AOAH: variants seen among roughly 807,000 people sequenced by gnomAD.
The protein encoded by AOAH is acyloxyacyl hydrolase (neutrophil).
AOAH carries 64 observed loss-of-function variants against 92.2 expected under a neutral mutation model. The ratio of observed to expected loss-of-function variants is 0.69; its 90% CI spans 0.57 to 0.86. The LOEUF is 0.86. AOAH is among the 40% of genes least tolerant of loss of function. The pLI, the probability that AOAH is intolerant of heterozygous loss-of-function variation, is 0.00. For synonymous variants in AOAH, 263 were observed against 254.5 expected, an observed-to-expected ratio of 1.03 and a Z score of -0.32; for missense variants, 656 against 694.6, an observed-to-expected ratio of 0.94 and a Z score of 0.62.
intron 13 of AOAH, among the ~76,000 whole-genome samples, chr7:36,570,813 T>C (rs1788088781): frequency 6.6e-6 from 1 of 152,242 alleles, no homozygotes; most frequent in Non-Finnish European, 1.5e-5. Flanking sequence ...TTCAGTTGGA[T>C]TACAATTTGT....
intron 19 of AOAH, among the ~76,000 whole-genome samples, chr7:36,529,340 C>T (rs1221701167): frequency 1.3e-5 from 2 of 152,092 alleles, no homozygotes; most frequent in African/African-American, 2.4e-5. Context: ...CATTTGTTTA[C>T]ACCAGGAATT....
chr7:36,636,155 G>A lies in AOAH; in HGVS notation c.450+1696C>T, dbSNP rs565455014. 7.2e-5 allele frequency among the ~76,000 whole-genome samples: 11 copies of A among 152,286 alleles called. No homozygotes were observed. The East Asian group carries it at 7.7e-4, about 11-fold the overall frequency. The stretch of plus-strand genomic sequence containing the variant: ...ACAGTGGAATTATTAATTACTCTCC[G>A]AGCAGTTTTTTCAGACACACTTATT... On this transcript the variant is annotated intron_variant, in intron 5 of 20. Transcript: ENST00000617537.
At chr7:36,697,187 T>A (rs1797775157) in intron 1 of AOAH, among the ~76,000 whole-genome samples, 1 of 152,200 alleles carries the variant, frequency 6.6e-6, no homozygotes, top group Non-Finnish European at 1.5e-5. Context: ...TTTTCATAGA[T>A]GTCCTTTATC....
At chr7:36,632,548 G>T (rs1200572811) in intron 5 of AOAH, among the ~76,000 whole-genome samples, 1 of 152,200 alleles carries the variant, frequency 6.6e-6, no homozygotes, top group Non-Finnish European at 1.5e-5. Context: ...AGAGGAGAGA[G>T]GTGCACAGAC....
chr7:36,557,189 A>C (rs1216129547), intron 13 of AOAH, among the ~76,000 whole-genome samples: 1 of 152,158 alleles, frequency 6.6e-6, no homozygotes, highest in East Asian at 1.9e-4. Context: ...GGTGGTGACA[A>C]AATCTCTCAG....
intron 1 of AOAH, among the ~76,000 whole-genome samples, chr7:36,693,382 C>T (rs1797526499): frequency 6.6e-6 from 1 of 152,268 alleles, no homozygotes; most frequent in Admixed American, 6.5e-5. Flanking sequence ...TACCTAGTCT[C>T]ATCCACTTAA....
At chr7:36,578,263 C>T (rs943700217) in intron 12 of AOAH, among the ~76,000 whole-genome samples, 3 of 152,138 alleles carry the variant, frequency 2.0e-5, no homozygotes, top group Admixed American at 1.3e-4. Flanking sequence ...AATTAAAATA[C>T]ATGATCCCTG....
intron 1 of AOAH, among the ~76,000 whole-genome samples, chr7:36,720,018 A>G (rs1048182825): frequency 2.6e-5 from 4 of 152,128 alleles, no homozygotes; most frequent in African/African-American, 4.8e-5. Flanking sequence ...TTTTGCTCAG[A>G]AAAGTTTCTG....
chr7:36,636,815 G>A (rs547347975), intron 5 of AOAH, among the ~76,000 whole-genome samples: 5 of 151,972 alleles, frequency 3.3e-5, no homozygotes, highest in East Asian at 1.9e-4. Flanking sequence ...AATTTAACTG[G>A]GCATCCCATA....
chr7:36,602,438 CCATT>C (rs1290389263), intron 11 of AOAH, among the ~76,000 whole-genome samples: 1 of 150,784 alleles, frequency 6.6e-6, no homozygotes, highest in Admixed American at 6.6e-5. Flanking sequence ...TCCCTTCCTT[CCATT>C]GTTTTTTTTT....
chr7:36,698,947 T>C (rs1797876045), intron 1 of AOAH, among the ~76,000 whole-genome samples: 1 of 152,224 alleles, frequency 6.6e-6, no homozygotes, highest in East Asian at 1.9e-4. Flanking sequence ...AATCAACCTC[T>C]CCTCATTCTC....
intron 16 of AOAH, among the ~76,000 whole-genome samples, chr7:36,539,517 G>A (rs1040713207): frequency 6.6e-6 from 1 of 152,198 alleles, no homozygotes; most frequent in African/African-American, 2.4e-5. Context: ...TCTGTGGGCA[G>A]GAACTTAGGA....
chr7:36,710,911 A>T (rs909357155), intron 1 of AOAH, among the ~76,000 whole-genome samples: 4 of 152,004 alleles, frequency 2.6e-5, no homozygotes, highest in Admixed American at 6.6e-5. Flanking sequence ...GTTCTAAGTG[A>T]CAGGCTGTTC....
intron 1 of AOAH, among the ~76,000 whole-genome samples, chr7:36,717,411 T>C (rs1261590306): frequency 6.6e-6 from 1 of 151,530 alleles, no homozygotes; most frequent in Non-Finnish European, 1.5e-5. Flanking sequence ...ACTAAAGACT[T>C]AGCCCAAATT....
chr7:36,528,394 A>G (rs1380472685), intron 19 of AOAH, among the ~76,000 whole-genome samples: 2 of 152,186 alleles, frequency 1.3e-5, no homozygotes, highest in Non-Finnish European at 2.9e-5. Flanking sequence ...GCTTCCAAGC[A>G]TATCAGTTCA....
At chr7:36,631,336 A>G (rs1177838352) in intron 6 of AOAH, among the ~76,000 whole-genome samples, 2 of 146,288 alleles carry the variant, frequency 1.4e-5, no homozygotes, top group Non-Finnish European at 3.0e-5. Flanking sequence ...AACAAGAGCG[A>G]CACTCCATCA....
At chr7:36,627,546 A>AAAAAT (rs1792760051) in intron 6 of AOAH, among the ~76,000 whole-genome samples, 1 of 94,482 alleles carries the variant, frequency 1.1e-5, no homozygotes, top group Non-Finnish European at 2.1e-5. Context: ...GAAAGCACTC[A>AAAAAT]AAAAAAAAAC....
rs537695639 is a variant in AOAH at position 36,685,926 on chromosome 7, C to A, written c.223+773G>T. ...AAAGACTTTGATGCTATTGGCACAG[C>A]ATACTGTGTCAATCAAAGATACAAT... On this transcript the variant is annotated intron_variant, in intron 2 of 20. Transcript: ENST00000617537. 5.7e-4 allele frequency among the ~76,000 whole-genome samples: 86 copies of A among 152,174 alleles called. No individual in the cohort carries two copies. The Middle Eastern group carries it at 0.017, about 30-fold the overall frequency.
intron 6 of AOAH, among the ~76,000 whole-genome samples, chr7:36,626,777 T>G (rs1247432865): frequency 6.6e-6 from 1 of 152,168 alleles, no homozygotes; most frequent in Non-Finnish European, 1.5e-5. Flanking sequence ...GCTTCTTGTT[T>G]GTTTGTTTTT....
Sources: gnomAD v4.1 joint callset for allele counts (sites outside exome capture counted in the v4.1 genomes callset) on GRCh38, gnomAD v4.1.1 for gene constraint, MANE v1.5 for transcripts, NCBI Gene and HGNC (gene_info 2026-07-23, HGNC 2026-07-21) for gene names.